The following RYR2 variants were observed in gnomAD, a reference collection of about 807,000 sequenced individuals.
The protein encoded by RYR2 is cardiac muscle ryanodine receptor-calcium release channel.
Under a neutral mutation model 601.1 loss-of-function variants are expected in RYR2, and 227 were observed. The observed-to-expected ratio is 0.38, with a 90% CI of 0.34 to 0.42. The LOEUF (loss-of-function observed/expected upper bound fraction) is 0.42, where lower values mean the gene tolerates loss of function less well. RYR2 is among the 10% of genes least tolerant of loss of function. The probability of loss-of-function intolerance (pLI) is 1.00; values close to 1 mark genes in which losing one functional copy is unlikely to be tolerated. For synonymous variants in RYR2, 2,223 were observed against 2,175.1 expected (o/e 1.02, Z -0.61); for missense variants, 4,646 against 6,156.5 (o/e 0.75, Z 8.21).
At chr1:237,526,349 TTTTC>T (rs1249674520) in intron 24 of RYR2, among the ~76,000 whole-genome samples, 2 of 151,860 alleles carry the variant, frequency 1.3e-5, no homozygotes, top group African/African-American at 4.8e-5. Flanking sequence ...CTTTCTTTTC[TTTTC>T]TTTTTTTTTT....
intron 54 of RYR2, among the ~76,000 whole-genome samples, chr1:237,658,770 C>A (rs1305129953): frequency 6.6e-5 from 10 of 152,064 alleles, no homozygotes; most frequent in Admixed American, 6.5e-4. Context: ...AATTATTTAC[C>A]TTTTCTATTC....
At chr1:237,615,670 G>A (rs928168895) in intron 37 of RYR2, among the ~76,000 whole-genome samples, 1 of 152,116 alleles carries the variant, frequency 6.6e-6, no homozygotes, top group South Asian at 2.1e-4. Context: ...CTTACTCTGG[G>A]TATGCACTTA....
intron 29 of RYR2, among the ~76,000 whole-genome samples, chr1:237,579,836 C>A (rs972015743): frequency 1.3e-5 from 2 of 152,032 alleles, no homozygotes; most frequent in Admixed American, 1.3e-4. Context: ...GATTCCCTTA[C>A]AGAATATATC....
chr1:237,249,789 T>A (rs1308708682), intron 1 of RYR2, among the ~76,000 whole-genome samples: 1 of 152,222 alleles, frequency 6.6e-6, no homozygotes, highest in Non-Finnish European at 1.5e-5. Flanking sequence ...AATTTGCATC[T>A]TTTTACTCAC....
chr1:237,239,105 A>G (rs963154805), intron 1 of RYR2, among the ~76,000 whole-genome samples: 2 of 152,180 alleles, frequency 1.3e-5, no homozygotes, highest in Admixed American at 6.5e-5. Context: ...AACTTTTCCC[A>G]TCTCTATATA....
At chr1:237,674,459 C>CAA (rs200500111) in intron 59 of RYR2, among the ~76,000 whole-genome samples, 2 of 151,924 alleles carry the variant, frequency 1.3e-5, no homozygotes, top group African/African-American at 4.8e-5. Flanking sequence ...AATCCCCAGG[C>CAA]AAAAAATCAC....
chr1:237,186,304 T>C (rs1679329610), intron 1 of RYR2, among the ~76,000 whole-genome samples: 1 of 152,178 alleles, frequency 6.6e-6, no homozygotes, highest in Non-Finnish European at 1.5e-5. Context: ...ACAGGCGTGA[T>C]GGTTATGTTT....
intron 8 of RYR2, among the ~76,000 whole-genome samples, chr1:237,384,961 C>T (rs1167435312): frequency 6.6e-6 from 1 of 152,098 alleles, no homozygotes; most frequent in Non-Finnish European, 1.5e-5. Context: ...GTGATCTCGG[C>T]TCACTGCAAG....
chr1:237,575,541 C>A (rs1333953496), intron 29 of RYR2, among the ~76,000 whole-genome samples: 2 of 151,970 alleles, frequency 1.3e-5, no homozygotes, highest in Admixed American at 1.3e-4. Context: ...TCTTTCCCCC[C>A]ACCCCCGGCG....
In RYR2 at chr1:237,190,675, A is replaced by G. The variant is rs116771126; in HGVS notation, c.49-79822A>G. 6.4e-3 allele frequency among the ~76,000 whole-genome samples: 981 copies of G among 152,348 alleles called. 10 individuals are homozygous for G. Among genetic ancestry groups the G allele is most frequent in the African/African-American group, 0.023 (943 of 41,578 alleles). On this transcript the variant is annotated intron_variant, in intron 1 of 104. Coordinates refer to ENST00000366574, the MANE Select transcript of RYR2 (RefSeq NM_001035.3). ...TAACAGTCACATGGTATTAGGTATTATAAGTAATCTAGAAATGATTTAAAG... is the reference window on the plus strand; with the variant it reads ...TAACAGTCACATGGTATTAGGTATTGTAAGTAATCTAGAAATGATTTAAAG...
intron 63 of RYR2, among the ~76,000 whole-genome samples, chr1:237,692,707 A>G (rs1028972178): frequency 1.3e-5 from 2 of 152,068 alleles, no homozygotes; most frequent in African/African-American, 4.8e-5. Flanking sequence ...CATCTCCTCA[A>G]TCCTTCACAC....
intron 67 of RYR2, among the ~76,000 whole-genome samples, chr1:237,706,122 G>A (rs112234427): frequency 0.022 from 3,395 of 152,204 alleles, 57 homozygotes; most frequent in Non-Finnish European, 0.033. Context: ...GGTGGTGTGT[G>A]CCTGTAATCC....
chr1:237,571,930 A>G (rs988675231), intron 29 of RYR2, among the ~76,000 whole-genome samples: 1 of 152,180 alleles, frequency 6.6e-6, no homozygotes, highest in Non-Finnish European at 1.5e-5. Flanking sequence ...CCCCTCAAGC[A>G]TTAATCCTTT....
chr1:237,504,823 G>C (rs1298687131), intron 22 of RYR2, among the ~76,000 whole-genome samples: 1 of 152,070 alleles, frequency 6.6e-6, no homozygotes, highest in Non-Finnish European at 1.5e-5. Flanking sequence ...ATTTTTCCAC[G>C]AGCCGGTGGG....
chr1:237,608,737 G>T (rs1032598615), intron 35 of RYR2, among the ~76,000 whole-genome samples: 2 of 149,054 alleles, frequency 1.3e-5, no homozygotes, highest in African/African-American at 4.9e-5. Flanking sequence ...GAGGAGCCAT[G>T]TGACAGTGAA....
intron 1 of RYR2, among the ~76,000 whole-genome samples, chr1:237,213,877 A>T (rs1330690067): frequency 7.7e-6 from 1 of 129,624 alleles, no homozygotes; most frequent in Admixed American, 7.5e-5. Context: ...TTGTTAGCTA[A>T]TTGTCCCAAC....
Position 237,667,969 on chromosome 1 carries a change from C to T in RYR2, c.8590+11C>T, listed in dbSNP as rs553024989. ...AGTTGGAGTCCAAAGGTAATATTTT[C>T]TAAAAACGTTTATTAAAAAATAATC... On this transcript the variant is annotated intron_variant, in intron 58 of 104. Coordinates refer to ENST00000366574, the MANE Select transcript of RYR2 (RefSeq NM_001035.3). The T allele has an allele frequency of 3.2e-6, 5 of 1,547,786 alleles. No individual in the cohort carries two copies. In the South Asian group the frequency reaches 4.9e-5, roughly 15 times the overall value.
intron 29 of RYR2, among the ~76,000 whole-genome samples, chr1:237,579,253 T>TCC (rs1559058176): frequency 2.3e-5 from 3 of 128,424 alleles, no homozygotes; most frequent in Non-Finnish European, 4.9e-5. Flanking sequence ...TTCTTCTTTT[T>TCC]TTTTTTTTTT....
At chr1:237,555,385 G>A (rs530204083) in intron 27 of RYR2, among the ~76,000 whole-genome samples, 50 of 152,168 alleles carry the variant, frequency 3.3e-4, no homozygotes, top group Non-Finnish European at 6.8e-4. Flanking sequence ...GATGTAGGTA[G>A]CAGTGATGAC....
Sources: allele counts gnomAD v4.1 joint callset (sites outside exome capture counted in the v4.1 genomes callset), GRCh38; gene constraint gnomAD v4.1.1; transcripts MANE v1.5; gene names NCBI Gene and HGNC (gene_info 2026-07-23, HGNC 2026-07-21).